LMX1A: variants seen among roughly 807,000 people sequenced by gnomAD.
LMX1A encodes LIM homeobox transcription factor 1-alpha.
Under a neutral mutation model 49.1 loss-of-function variants are expected in LMX1A, and 15 were observed. The ratio of observed to expected loss-of-function variants is 0.31; its 90% CI spans 0.20 to 0.47. The LOEUF (loss-of-function observed/expected upper bound fraction) is 0.47. Among genes scored for constraint, LMX1A ranks in the 20% least tolerant of loss-of-function variants. The probability of loss-of-function intolerance (pLI) is 1.00; values close to 1 mark genes in which losing one functional copy is unlikely to be tolerated. For missense variants in LMX1A, 372 were observed against 475.8 expected (o/e 0.78, Z 2.03); for synonymous variants, 167 against 185.7 (o/e 0.90, Z 0.82).
chr1:165,303,678 G>A (rs1308407498), intron 3 of LMX1A, among the ~76,000 whole-genome samples: 1 of 152,188 alleles, frequency 6.6e-6, no homozygotes, highest in Non-Finnish European at 1.5e-5. Flanking sequence ...GGGACGCAAA[G>A]CATGATGGGA....
At chr1:165,324,081 G>A (rs903260898) in intron 3 of LMX1A, among the ~76,000 whole-genome samples, 1 of 152,234 alleles carries the variant, frequency 6.6e-6, no homozygotes, top group Non-Finnish European at 1.5e-5. Context: ...TGAGAAAGGT[G>A]AAAATAAGAC....
rs547406802 is a variant in LMX1A at position 165,205,369 on chromosome 1, G to T, written c.988+495C>A. On this transcript the variant is annotated intron_variant, in intron 8 of 8. Coordinates refer to ENST00000342310, the MANE Select transcript of LMX1A (RefSeq NM_177398.4). Reference sequence around the variant, plus strand: ...ATCAATGCTTCTTTGGGTGGGGTGGGTATAAGGGAGATACTTTCACTTTAC... The same window carrying T: ...ATCAATGCTTCTTTGGGTGGGGTGGTTATAAGGGAGATACTTTCACTTTAC... 3.9e-5 allele frequency among the ~76,000 whole-genome samples: 6 copies of T among 152,294 alleles called. No homozygotes were observed. In the South Asian group the frequency reaches 1.2e-3, roughly 32 times the overall value.
intron 7 of LMX1A, chr1:165,207,706 G>A: frequency 3.8e-6 from 1 of 261,002 alleles, no homozygotes; most frequent in East Asian, 7.0e-5. Flanking sequence ...AAGTCACCGA[G>A]GTGTCTTCTA....
intron 2 of LMX1A, among the ~76,000 whole-genome samples, chr1:165,353,824 A>C (rs1193428025): frequency 6.6e-6 from 1 of 152,090 alleles, no homozygotes; most frequent in East Asian, 1.9e-4. Context: ...AAACCGATGA[A>C]CCCCAAACTG....
At chr1:165,347,641 C>T (rs536933415) in intron 3 of LMX1A, among the ~76,000 whole-genome samples, 75 of 152,336 alleles carry the variant, frequency 4.9e-4, no homozygotes, top group African/African-American at 1.7e-3. Flanking sequence ...AAATCTTTCC[C>T]TGTGGATGTG....
intron 3 of LMX1A, among the ~76,000 whole-genome samples, chr1:165,342,730 G>A (rs1003725322): frequency 3.3e-5 from 5 of 152,008 alleles, no homozygotes; most frequent in South Asian, 2.1e-4. Flanking sequence ...GCTGACCATC[G>A]GGAGGCTGCC....
At chr1:165,326,911 C>T (rs1655601511) in intron 3 of LMX1A, among the ~76,000 whole-genome samples, 1 of 152,124 alleles carries the variant, frequency 6.6e-6, no homozygotes, top group African/African-American at 2.4e-5. Context: ...TGCTAAACAC[C>T]CTACAATGTG....
At chr1:165,256,655 T>C (rs1653250897) in intron 3 of LMX1A, among the ~76,000 whole-genome samples, 1 of 152,182 alleles carries the variant, frequency 6.6e-6, no homozygotes, top group Non-Finnish European at 1.5e-5. Context: ...AGACAACATT[T>C]TGCTCCTAAG....
intron 2 of LMX1A, among the ~76,000 whole-genome samples, chr1:165,354,689 G>A (rs1656546472): frequency 6.6e-6 from 1 of 152,182 alleles, no homozygotes; most frequent in Admixed American, 6.5e-5. Flanking sequence ...AAAGAGGCAA[G>A]AGGTTTAAAG....
rs1028877213 is a variant in LMX1A at position 165,278,912 on chromosome 1, T to C, written c.264-29272A>G. Among the ~76,000 whole-genome samples the C allele has an allele frequency of 8.5e-5, 13 of 152,290 alleles. No individual in the cohort carries two copies. In the East Asian group the frequency reaches 2.5e-3, roughly 29 times the overall value. On this transcript the variant is annotated intron_variant, in intron 3 of 8. Transcript: ENST00000342310. ...ACAGGGCAGGACCCCGCAAGGGCCA[T>C]GGGCTGAGGTTCAGACTTATTATAC...
chr1:165,337,128 G>A (rs971963024), intron 3 of LMX1A, among the ~76,000 whole-genome samples: 1 of 152,162 alleles, frequency 6.6e-6, no homozygotes, highest in Non-Finnish European at 1.5e-5. Context: ...CCAAGTAACT[G>A]TAACAATGCC....
intron 4 of LMX1A, among the ~76,000 whole-genome samples, chr1:165,246,966 T>TCAGAAAGTG (rs1652870793): frequency 7.7e-6 from 1 of 129,826 alleles, no homozygotes; most frequent in Non-Finnish European, 1.7e-5. Context: ...GAAAATGTGA[T>TCAGAAAGTG]CAGAAAGTGA....
chr1:165,240,024 C>A (rs1652591351), intron 4 of LMX1A, among the ~76,000 whole-genome samples: 1 of 151,980 alleles, frequency 6.6e-6, no homozygotes, highest in Non-Finnish European at 1.5e-5. Flanking sequence ...CTGTTATGAC[C>A]CATGAGTAGC....
chr1:165,282,551 T>C (rs1487961297), intron 3 of LMX1A, among the ~76,000 whole-genome samples: 1 of 152,208 alleles, frequency 6.6e-6, no homozygotes, highest in Non-Finnish European at 1.5e-5. Flanking sequence ...GTTGAATCTA[T>C]GGATGCAGAA....
chr1:165,310,980 C>T (rs1655061241), intron 3 of LMX1A, among the ~76,000 whole-genome samples: 1 of 152,114 alleles, frequency 6.6e-6, no homozygotes, highest in Non-Finnish European at 1.5e-5. Context: ...CCATGATGTC[C>T]CCCAGATCTG....
At chr1:165,324,442 G>A (rs1655511244) in intron 3 of LMX1A, among the ~76,000 whole-genome samples, 1 of 152,172 alleles carries the variant, frequency 6.6e-6, no homozygotes, top group Admixed American at 6.5e-5. Flanking sequence ...TCTCAAAGCA[G>A]TGACAAAAGA....
chr1:165,260,867 A>G (rs116536868), intron 3 of LMX1A, among the ~76,000 whole-genome samples: 1,671 of 152,324 alleles, frequency 0.011, 36 homozygotes, highest in African/African-American at 0.038. Flanking sequence ...TGACGGGTGG[A>G]AAATATCTCT....
At chr1:165,256,881 G>T (rs1318664881) in intron 3 of LMX1A, among the ~76,000 whole-genome samples, 1 of 152,022 alleles carries the variant, frequency 6.6e-6, no homozygotes, top group Non-Finnish European at 1.5e-5. Context: ...GCACACCCCT[G>T]TACTGCAGGC....
chr1:165,320,391 A>C (rs1023616866), intron 3 of LMX1A, among the ~76,000 whole-genome samples: 1 of 152,224 alleles, frequency 6.6e-6, no homozygotes, highest in Admixed American at 6.5e-5. Flanking sequence ...CTAAGCACAA[A>C]TTAAATGTAG....
Sources: allele counts gnomAD v4.1 joint callset (sites outside exome capture counted in the v4.1 genomes callset), GRCh38; gene constraint gnomAD v4.1.1; transcripts MANE v1.5; gene names NCBI Gene and HGNC (gene_info 2026-07-23, HGNC 2026-07-21).